Variants in CDON observed in about 807,000 individuals in gnomAD.
CDON encodes the protein cell adhesion associated, oncogene regulated.
In CDON, 73 loss-of-function variants were observed where a neutral mutation model predicts 120.9. The observed-to-expected ratio is 0.60, with a 90% confidence interval of 0.50 to 0.73. The LOEUF (loss-of-function observed/expected upper bound fraction) is 0.73. Among genes scored for constraint, CDON ranks in the 30% least tolerant of loss-of-function variants. The pLI, the probability that CDON is intolerant of heterozygous loss-of-function variation, is 0.00. For missense variants in CDON, 1,470 were observed against 1,587.3 expected, an observed-to-expected ratio of 0.93 and a Z score of 1.26; for synonymous variants, 566 against 573.5, an observed-to-expected ratio of 0.99 and a Z score of 0.19.
Position 125,989,466 on chromosome 11 carries a change from G to A in CDON, c.2773+171C>T, listed in dbSNP as rs141294616. ...CATGAGAATCACTTGAACCCAGGAGGTGGAGGTTGCAGCGAGTTGAGATTG... is the reference window on the plus strand; with the variant it reads ...CATGAGAATCACTTGAACCCAGGAGATGGAGGTTGCAGCGAGTTGAGATTG... On this transcript the variant is annotated intron_variant, in intron 15 of 19. Transcript: ENST00000531738. Among the ~76,000 whole-genome samples, 207 of 152,276 alleles carry A rather than the reference G, an allele frequency of 1.4e-3. 5 individuals carry two copies. The East Asian group carries it at 0.03, about 22-fold the overall frequency.
intron 1 of CDON, among the ~76,000 whole-genome samples, chr11:126,039,563 T>C (rs1948198070): frequency 6.6e-6 from 1 of 152,190 alleles, no homozygotes; most frequent in Non-Finnish European, 1.5e-5. Flanking sequence ...ACAACTAATC[T>C]AGAGACTTAA....
At chr11:126,007,214 GGT>G (rs1947153338) in intron 8 of CDON, among the ~76,000 whole-genome samples, 2 of 152,116 alleles carry the variant, frequency 1.3e-5, no homozygotes, top group South Asian at 4.1e-4. Context: ...GTAAAAGATG[GGT>G]GTGTTTTTGG....
intron 18 of CDON, among the ~76,000 whole-genome samples, chr11:125,966,413 C>T (rs1945802026): frequency 6.6e-6 from 1 of 152,086 alleles, no homozygotes; most frequent in Admixed American, 6.6e-5. Flanking sequence ...GATTGCTGAC[C>T]ACGAAGCACA....
intron 18 of CDON, among the ~76,000 whole-genome samples, chr11:125,969,184 G>C (rs1443244722): frequency 6.6e-6 from 1 of 152,150 alleles, no homozygotes; most frequent in African/African-American, 2.4e-5. Flanking sequence ...TTTTAGTAGA[G>C]ACAGGGTTTC....
At chr11:126,042,653 G>C in intron 1 of CDON, among the ~76,000 whole-genome samples, 1 of 152,176 alleles carries the variant, frequency 6.6e-6, no homozygotes, top group Non-Finnish European at 1.5e-5. Context: ...CGGGAGTCTC[G>C]CTCTGCTGTC....
At chr11:126,023,352 A>T in intron 2 of CDON, 49 bp downstream of exon 2, 1 of 1,101,756 alleles carries the variant, frequency 9.1e-7, no homozygotes, top group Non-Finnish European at 1.4e-6. Context: ...GTTTTATAGG[A>T]TTAAGATGAG....
intron 1 of CDON, among the ~76,000 whole-genome samples, chr11:126,056,404 C>T (rs1565560835): frequency 6.6e-6 from 1 of 152,160 alleles, no homozygotes; most frequent in African/African-American, 2.4e-5. Context: ...CAGAGGAACC[C>T]ATCCTGCATA....
At chr11:125,966,005 C>T (rs573795623) in intron 18 of CDON, among the ~76,000 whole-genome samples, 9 of 152,032 alleles carry the variant, frequency 5.9e-5, no homozygotes, top group Admixed American at 2.0e-4. Context: ...GGCGTGGTGG[C>T]GCATGCCTGT....
intron 1 of CDON, among the ~76,000 whole-genome samples, chr11:126,055,622 T>G (rs1459062395): frequency 6.6e-6 from 1 of 152,196 alleles, no homozygotes; most frequent in Non-Finnish European, 1.5e-5. Flanking sequence ...ATCTCTCTTG[T>G]AACTCAAGTT....
chr11:126,001,598 C>A (rs1055625990), intron 11 of CDON, 121 bp downstream of exon 11: 18 of 815,088 alleles, frequency 2.2e-5, no homozygotes, highest in Admixed American at 1.3e-4. Context: ...TGAAATAGAA[C>A]CTAAAAGAAC....
At chr11:125,999,934 T>A (rs1039461302) in intron 11 of CDON, among the ~76,000 whole-genome samples, 4 of 152,184 alleles carry the variant, frequency 2.6e-5, no homozygotes, top group African/African-American at 9.7e-5. Context: ...ATAGAACATA[T>A]CAGCCACTTG....
chr11:126,017,402 T>G (rs1385762193), intron 5 of CDON, 27 bp from the exon 6 acceptor site: 2 of 1,608,258 alleles, frequency 1.2e-6, no homozygotes, highest in Non-Finnish European at 1.7e-6. Context: ...GATGAGAGAT[T>G]ATTAGTAAGT....
intron 15 of CDON, among the ~76,000 whole-genome samples, chr11:125,985,445 G>C (rs1490594246): frequency 2.0e-5 from 3 of 152,192 alleles, no homozygotes; most frequent in Admixed American, 1.3e-4. Context: ...CTCTCAAAGT[G>C]CTAGGATTAC....
intron 16 of CDON, among the ~76,000 whole-genome samples, chr11:125,981,965 A>ATTTCCTTT (rs1946318366): frequency 2.9e-5 from 1 of 34,428 alleles, no homozygotes; most frequent in African/African-American, 8.2e-5. Flanking sequence ...AAGTGATTCT[A>ATTTCCTTT]TTTTCTTTTT....
Position 126,010,288 on chromosome 11 carries a change from T to G in CDON, c.1552+53A>C. 3 of 1,209,516 alleles carry G rather than the reference T, an allele frequency of 2.5e-6. No homozygotes were observed. The South Asian group carries it at 4.0e-5, about 16-fold the overall frequency. 74.9% of individuals were successfully genotyped at this position (1,209,516 alleles called of 1,614,324 possible). On this transcript the variant is annotated intron_variant, in intron 8 of 19. Coordinates refer to ENST00000531738, the MANE Select transcript of CDON (RefSeq NM_001378964.1). ...TAACATATTTCAAATCACTTTATCT[T>G]CTATTATAAAAGGAAATTACTCAAC...
intron 1 of CDON, among the ~76,000 whole-genome samples, chr11:126,037,979 A>G (rs1948146983): frequency 6.6e-6 from 1 of 152,222 alleles, no homozygotes; most frequent in Non-Finnish European, 1.5e-5. Flanking sequence ...CTGCACTAAG[A>G]GGAAAGGGGG....
rs1591372337 is a variant in CDON at position 126,001,245 on chromosome 11, T to C, written c.2158+474A>G. 2.0e-5 allele frequency among the ~76,000 whole-genome samples: 3 copies of C among 150,862 alleles called. No homozygotes were observed. The South Asian group carries it at 6.3e-4, about 32-fold the overall frequency. On this transcript the variant is annotated intron_variant, in intron 11 of 19. Transcript: ENST00000531738. ...CTCTGTCATCCAGGCTGGAGTGCGG[T>C]GGTGTGATCTCAGCTCACTACAACA...
In CDON at chr11:126,019,658, G is replaced by A. The variant is rs1356704055; in HGVS notation, c.457C>T (p.Arg153Cys). The change falls in exon 4 of 20, where the codon CGC (arginine) becomes TGC (cysteine). Residue 153 changes from arginine to cysteine, a missense_variant. Physicochemically the swap from Arg to Cys is radical, Grantham distance 180 (BLOSUM62 -3). Transcript: ENST00000531738. ...AGCCATTTTCCCCGGATTTTATAGCGCACCTCAGCTTTGGGGTTACTCTCC... is the reference window on the plus strand; with the variant it reads ...AGCCATTTTCCCCGGATTTTATAGCACACCTCAGCTTTGGGGTTACTCTCC... ...VPESNPKAEV[R>C]YKIRGKWLEH... The A allele has an allele frequency of 1.4e-5, 23 of 1,613,970 alleles. No homozygotes were observed. Among genetic ancestry groups the A allele is most frequent in the Admixed American group, 1.7e-5 (1 of 60,012 alleles).
rs1245506943 is a variant in CDON at position 126,062,692 on chromosome 11, G to A, written c.-175C>T. 2 of 153,606 alleles carry A rather than the reference G, an allele frequency of 1.3e-5. No homozygotes were observed. The highest frequency in any genetic ancestry group is 2.9e-5 in the Non-Finnish European group (2 of 69,650). The allele number at this position is 153,606 out of a possible 1,614,324, so 9.5% of individuals were successfully genotyped here. ...GGCGGCGGCTACGGTGGCGGCGGCT[G>A]CGATCCGAACGGGCCCCTCCATGCA... On this transcript the variant is annotated 5_prime_UTR_variant, in exon 1 of 20. Transcript: ENST00000531738.
Sources: allele counts gnomAD v4.1 joint callset (sites outside exome capture counted in the v4.1 genomes callset), GRCh38; gene constraint gnomAD v4.1.1; transcripts MANE v1.5; gene names NCBI Gene and HGNC (gene_info 2026-07-23, HGNC 2026-07-21).